Variants in STK38 observed in about 807,000 individuals in gnomAD.
STK38 encodes serine/threonine kinase 38.
Under a neutral mutation model 59.0 loss-of-function variants are expected in STK38, and 26 were observed. That is an observed-to-expected ratio of 0.44 (90% CI 0.32 to 0.61). The LOEUF is 0.61. Among genes scored for constraint, STK38 ranks in the 20% least tolerant of loss-of-function variants. STK38 has a pLI of 0.04. For missense variants in STK38, 433 were observed against 566.0 expected (o/e 0.76, Z 2.38); for synonymous variants, 175 against 176.6 (o/e 0.99, Z 0.07).
At position 36,498,467 on chromosome 6, in the gene STK38, A is replaced by G. The variant is rs1776758896; in HGVS notation, c.972T>C (p.Ser324=). 1 of 1,611,946 alleles carries G rather than the reference A, an allele frequency of 6.2e-7. No homozygotes were observed. The highest frequency in any genetic ancestry group is 1.7e-5 in the Admixed American group (1 of 59,284). Residue 324 remains serine, a synonymous_variant, in exon 11 of 14, where the codon TCT becomes TCC. Transcript: ENST00000229812. Reference sequence around the variant, plus strand: ...TCTTATATGTCTCTTGAGGGGTCTCAGAACAGAAAGGTGGGTAGCCTGTAA... The same window carrying G: ...TCTTATATGTCTCTTGAGGGGTCTCGGAACAGAAAGGTGGGTAGCCTGTAA... ...EMLIGYPPFC[S]ETPQETYKKV...
rs562631187 is a variant in STK38 at position 36,506,783 on chromosome 6, C to T, written c.773-139G>A. ...CATACATCAAAAGCTCCAGATGATA[C>T]ATATCCTAGTACGTTTACAGTAAAC... is the stretch of plus-strand genomic sequence containing the variant. On this transcript the variant is annotated intron_variant, in intron 8 of 13. Coordinates refer to ENST00000229812, the MANE Select transcript of STK38 (RefSeq NM_007271.4). 22 of 695,090 alleles carry T rather than the reference C, an allele frequency of 3.2e-5. No homozygotes were observed. The Admixed American group carries it at 6.0e-4, about 19-fold the overall frequency. The allele number at this position is 695,090 out of a possible 1,614,324, so 43.1% of individuals were successfully genotyped here.
chr6:36,495,769 T>C lies in STK38; in HGVS notation c.*15A>G, dbSNP rs774274756. ...CAAAGAACTCTGCTCCACATAGGATTCCGTGGCAAGAGTACTATTTTGCTG... is the reference window on the plus strand; with the variant it reads ...CAAAGAACTCTGCTCCACATAGGATCCCGTGGCAAGAGTACTATTTTGCTG... On this transcript the variant is annotated 3_prime_UTR_variant, in exon 14 of 14. Transcript: ENST00000229812. 1.1e-5 allele frequency: 18 copies of C among 1,613,456 alleles called. No individual in the cohort carries two copies.
chr6:36,505,762 T>C (rs1012027244), intron 9 of STK38, among the ~76,000 whole-genome samples: 15 of 152,200 alleles, frequency 9.9e-5, no homozygotes, highest in African/African-American at 3.4e-4. Context: ...GACCAAATGT[T>C]AGTTTGGCTT....
chr6:36,497,677 C>T (rs1280583516), intron 12 of STK38, 103 bp downstream of exon 12: 2 of 874,912 alleles, frequency 2.3e-6, no homozygotes, highest in East Asian at 2.6e-5. Context: ...CTCTAAGAAG[C>T]TCTCTTCCCT....
intron 2 of STK38, among the ~76,000 whole-genome samples, chr6:36,527,725 G>A (rs1196085357): frequency 1.3e-5 from 2 of 152,042 alleles, no homozygotes; most frequent in Non-Finnish European, 2.9e-5. Flanking sequence ...GAAAGCACAT[G>A]GGCTAGAATC....
intron 2 of STK38, among the ~76,000 whole-genome samples, chr6:36,527,892 G>A (rs1470523599): frequency 6.6e-6 from 1 of 150,394 alleles, no homozygotes; most frequent in Non-Finnish European, 1.5e-5. Flanking sequence ...GAGGTCAGGA[G>A]ATCGAGACCA....
At position 36,498,334 on chromosome 6, in the gene STK38, A is replaced by G. The variant is rs571477112; in HGVS notation, c.1076+29T>C. On this transcript the variant is annotated intron_variant, in intron 11 of 13. Transcript: ENST00000229812. ...GAATCATTCATATTAAAAAGCTGAG[A>G]AAGAAGGTGGAGGGATGTTCTCTAA... 11 of 1,582,082 alleles carry G rather than the reference A, an allele frequency of 7.0e-6. No homozygotes were observed. In the Admixed American group the frequency reaches 2.3e-4, roughly 33 times the overall value.
intron 7 of STK38, among the ~76,000 whole-genome samples, chr6:36,508,338 C>T (rs904226308): frequency 6.6e-6 from 1 of 152,176 alleles, no homozygotes; most frequent in African/African-American, 2.4e-5. Context: ...ATTTTCAATT[C>T]TTAGCTCTCA....
chr6:36,518,198 C>G (rs746382751), intron 5 of STK38, among the ~76,000 whole-genome samples: 3 of 152,100 alleles, frequency 2.0e-5, no homozygotes, highest in Non-Finnish European at 4.4e-5. Flanking sequence ...AAATAAGTCC[C>G]CAAAGTGAGA....
chr6:36,496,668 A>G (rs763245995), intron 13 of STK38, 43 bp downstream of exon 13: 67 of 1,441,566 alleles, frequency 4.6e-5, no homozygotes, highest in Non-Finnish European at 6.4e-5. Flanking sequence ...GGGGGTAAAT[A>G]ATGTGCTTAT....
Position 36,507,397 on chromosome 6 carries a change from T to G in STK38, c.772+103A>C, listed in dbSNP as rs150157480. 71 of 965,862 alleles carry G rather than the reference T, an allele frequency of 7.4e-5. No individual in the cohort carries two copies. The African/African-American group carries it at 8.6e-4, about 12-fold the overall frequency. The allele number at this position is 965,862 out of a possible 1,614,324, so 59.8% of individuals were successfully genotyped here. On this transcript the variant is annotated intron_variant, in intron 8 of 13. Transcript: ENST00000229812. ...GAAGGTATTTTTATTCTCTACATAC[T>G]CAAAGTGTGAGAATCTCCTATCTGT...
chr6:36,496,783 T>C lies in STK38; in HGVS notation c.1195A>G (p.Ile399Val), dbSNP rs774009047. 1.7e-5 allele frequency: 27 copies of C among 1,613,096 alleles called. No homozygotes were observed. Among genetic ancestry groups the C allele is most frequent in the East Asian group, 2.2e-5 (1 of 44,836 alleles). The change falls in exon 13 of 14, where the codon ATT becomes GTT. Residue 399 changes from isoleucine to valine, a missense_variant. By Grantham distance (29) the Ile-to-Val change is conservative. Transcript: ENST00000229812. ...HIRERPAAISIEIKSIDDTSN... is the reference protein window; with the variant it reads ...HIRERPAAISVEIKSIDDTSN... ...GTATCATCAATGCTTTTGATTTCAA[T>C]AGATATTGCAGCAGGTCTCTCTCTG...
At chr6:36,512,794 G>C (rs942685166) in intron 7 of STK38, among the ~76,000 whole-genome samples, 1 of 151,862 alleles carries the variant, frequency 6.6e-6, no homozygotes, top group African/African-American at 2.4e-5. Context: ...CCGAGTAGCT[G>C]GGATTACAGG....
intron 2 of STK38, among the ~76,000 whole-genome samples, chr6:36,533,845 A>T (rs1367196116): frequency 6.6e-6 from 1 of 152,204 alleles, no homozygotes; most frequent in African/African-American, 2.4e-5. Flanking sequence ...CTGCCTAAAG[A>T]TATTCTGAAC....
At chr6:36,537,285 G>A (rs1335242823) in intron 2 of STK38, among the ~76,000 whole-genome samples, 1 of 152,110 alleles carries the variant, frequency 6.6e-6, no homozygotes, top group Non-Finnish European at 1.5e-5. Context: ...AAAATGTAAA[G>A]TAAATAGAAC....
intron 7 of STK38, among the ~76,000 whole-genome samples, chr6:36,514,323 AAC>A (rs1653044537): frequency 6.6e-6 from 1 of 151,994 alleles, no homozygotes; most frequent in South Asian, 2.1e-4. Flanking sequence ...AAAAAAAAAA[AAC>A]AACTTCAGGT....
At chr6:36,497,702 A>T in intron 12 of STK38, 78 bp downstream of exon 12, 1 of 1,210,864 alleles carries the variant, frequency 8.3e-7, no homozygotes, top group Non-Finnish European at 1.2e-6. Context: ...TGGCTTGCCA[A>T]TGATGGTCCT....
chr6:36,528,610 A>G (rs952148691), intron 2 of STK38, among the ~76,000 whole-genome samples: 2 of 152,258 alleles, frequency 1.3e-5, no homozygotes, highest in Admixed American at 6.5e-5. Flanking sequence ...TTAGAGAGAA[A>G]AGGCTGTACT....
At chr6:36,503,922 C>A (rs1271303922) in intron 9 of STK38, among the ~76,000 whole-genome samples, 1 of 152,172 alleles carries the variant, frequency 6.6e-6, no homozygotes, top group Non-Finnish European at 1.5e-5. Context: ...CTTCCCAAAC[C>A]TTTGTTGTTT....
Sources: allele counts gnomAD v4.1 joint callset (sites outside exome capture counted in the v4.1 genomes callset), GRCh38; gene constraint gnomAD v4.1.1; transcripts MANE v1.5; gene names NCBI Gene and HGNC (gene_info 2026-07-23, HGNC 2026-07-21).